Variants in LPP observed in about 807,000 individuals in gnomAD.
The protein encoded by LPP is LIM domain containing preferred translocation partner in lipoma, also known as lipoma-preferred partner.
A neutral mutation model predicts 60.4 loss-of-function variants in LPP; 38 were observed. The observed-to-expected ratio is 0.63, with a 90% confidence interval of 0.49 to 0.83. The LOEUF (loss-of-function observed/expected upper bound fraction) is 0.83, where lower values mean the gene tolerates loss of function less well. Among genes scored for constraint, LPP ranks in the 40% least tolerant of loss-of-function variants. The pLI is 0.00. For synonymous variants in LPP, 328 were observed against 290.8 expected, an observed-to-expected ratio of 1.13 and a Z score of -1.30; for missense variants, 902 against 783.6, an observed-to-expected ratio of 1.15 and a Z score of -1.80.
At chr3:188,163,283 A>G (rs978258364) in intron 1 of LPP, among the ~76,000 whole-genome samples, 1 of 152,142 alleles carries the variant, frequency 6.6e-6, no homozygotes, top group Non-Finnish European at 1.5e-5. Context: ...TTGTGTGGGA[A>G]CCTTTCATGG....
chr3:188,299,383 G>A (rs1748983285), intron 2 of LPP, among the ~76,000 whole-genome samples: 1 of 152,198 alleles, frequency 6.6e-6, no homozygotes, highest in South Asian at 2.1e-4. Context: ...AGGCACATTT[G>A]AGCTGTGTTG....
chr3:188,796,546 T>C (rs937537972), intron 9 of LPP, among the ~76,000 whole-genome samples: 2 of 152,196 alleles, frequency 1.3e-5, no homozygotes, highest in African/African-American at 4.8e-5. Context: ...TTGTGGTTGC[T>C]AGCCACACAC....
chr3:188,489,211 G>C (rs1807572092), intron 5 of LPP, among the ~76,000 whole-genome samples: 1 of 152,176 alleles, frequency 6.6e-6, no homozygotes, highest in African/African-American at 2.4e-5. Flanking sequence ...GATCAGTACA[G>C]TACTCAGAAT....
At chr3:188,551,836 A>G (rs1184557618) in intron 6 of LPP, among the ~76,000 whole-genome samples, 1 of 152,188 alleles carries the variant, frequency 6.6e-6, no homozygotes, top group Non-Finnish European at 1.5e-5. Context: ...GACATGGCAT[A>G]AACTATTTCA....
chr3:188,830,651 G>C (rs752416295), intron 9 of LPP, among the ~76,000 whole-genome samples: 1 of 151,680 alleles, frequency 6.6e-6, no homozygotes, highest in Non-Finnish European at 1.5e-5. Flanking sequence ...CCCAACGAAC[G>C]AACAAACACA....
At chr3:188,471,550 A>G (rs1207952326) in intron 4 of LPP, among the ~76,000 whole-genome samples, 1 of 152,144 alleles carries the variant, frequency 6.6e-6, no homozygotes, top group Admixed American at 6.5e-5. Flanking sequence ...CACCTTTGTG[A>G]TAGGGAGAAT....
intron 6 of LPP, among the ~76,000 whole-genome samples, chr3:188,548,647 G>A (rs917871117): frequency 6.6e-6 from 1 of 152,156 alleles, no homozygotes; most frequent in South Asian, 2.1e-4. Flanking sequence ...TCTTTGGGAT[G>A]AAGAAGAGGA....
chr3:188,660,217 A>C (rs1247346565), intron 7 of LPP, among the ~76,000 whole-genome samples: 1 of 152,168 alleles, frequency 6.6e-6, no homozygotes, highest in Admixed American at 6.5e-5. Context: ...CACCAATCAC[A>C]GGATTGTGAC....
intron 8 of LPP, among the ~76,000 whole-genome samples, chr3:188,737,079 T>C (rs963093195): frequency 2.0e-5 from 3 of 151,912 alleles, no homozygotes; most frequent in African/African-American, 7.2e-5. Flanking sequence ...TACTTCCCAA[T>C]AATCAGATTA....
At chr3:188,542,725 T>C (rs900169929) in intron 6 of LPP, among the ~76,000 whole-genome samples, 13 of 152,070 alleles carry the variant, frequency 8.5e-5, no homozygotes, top group Non-Finnish European at 1.8e-4. Flanking sequence ...TTTTTTGTTT[T>C]TGTTTTTGAC....
Position 188,225,438 on chromosome 3 carries a change from G to C in LPP, c.-156G>C, listed in dbSNP as rs369249997. The C allele has an allele frequency of 6.6e-5, 10 of 152,188 alleles. No homozygotes were observed. The highest frequency in any genetic ancestry group is 2.4e-4 in the African/African-American group (10 of 41,456). The allele number at this position is 152,188 out of a possible 1,614,324, so 9.4% of individuals were successfully genotyped here. A position where few individuals can be genotyped will look rare whatever the true frequency, so the allele number is the denominator to read the frequency against. On this transcript the variant is annotated 5_prime_UTR_variant, in exon 2 of 12. Coordinates refer to ENST00000617246, the MANE Select transcript of LPP (RefSeq NM_001375462.1). ...TTTGAGGCTCAGAGACAGAGCAGAA[G>C]ACAGAACCTGGTCTTCTGATTCCCT...
chr3:188,509,322 G>A (rs991565281), intron 5 of LPP, among the ~76,000 whole-genome samples: 5 of 152,124 alleles, frequency 3.3e-5, no homozygotes, highest in Non-Finnish European at 7.3e-5. Flanking sequence ...ATCCCTGTGG[G>A]GTTGGTATTA....
In LPP at chr3:188,610,977, T is replaced by G. The variant is rs576990558; in HGVS notation, c.1113+1133T>G. 6.6e-6 allele frequency among the ~76,000 whole-genome samples: 1 copy of G among 152,368 alleles called. No homozygotes were observed. Among genetic ancestry groups the G allele is most frequent in the East Asian group, 1.9e-4 (1 of 5,190 alleles). On this transcript the variant is annotated intron_variant, in intron 7 of 11. Transcript: ENST00000617246. This position sits in a 1 kb window ranked among gnomAD's most constrained non-coding sequence, Gnocchi z 4.4. ...TTTGGACTGTATTTTTAAAAATTCT[T>G]TCCACATTTTTACAAGATTGTCCAT...
intron 6 of LPP, among the ~76,000 whole-genome samples, chr3:188,603,549 C>T (rs1041627082): frequency 1.3e-5 from 2 of 152,014 alleles, no homozygotes; most frequent in Admixed American, 6.6e-5. Context: ...GGATTGGTTT[C>T]CGTCTCAGGA....
intron 4 of LPP, among the ~76,000 whole-genome samples, chr3:188,462,544 TTATATATATATA>T (rs71167102): frequency 0.026 from 904 of 34,194 alleles, 23 homozygotes; most frequent in African/African-American, 0.032. Flanking sequence ...TATATGAGCT[TTATATATATATA>T]TATATATATA....
intron 9 of LPP, among the ~76,000 whole-genome samples, chr3:188,832,659 A>C (rs1312828179): frequency 6.6e-6 from 1 of 152,188 alleles, no homozygotes; most frequent in African/African-American, 2.4e-5. Flanking sequence ...CCAATAAAAG[A>C]GTCCCCTTTA....
chr3:188,216,746 C>G (rs1391443418), intron 1 of LPP, among the ~76,000 whole-genome samples: 4 of 152,198 alleles, frequency 2.6e-5, no homozygotes, highest in African/African-American at 9.6e-5. Flanking sequence ...AAGGCAGGTG[C>G]TATTATCCCC....
At chr3:188,808,252 G>C (rs907904162) in intron 9 of LPP, among the ~76,000 whole-genome samples, 1 of 151,820 alleles carries the variant, frequency 6.6e-6, no homozygotes, top group African/African-American at 2.4e-5. Context: ...TTTTTTGTCT[G>C]TCTCCCAAAT....
At chr3:188,342,198 A>G (rs1022773485) in intron 3 of LPP, among the ~76,000 whole-genome samples, 1 of 152,190 alleles carries the variant, frequency 6.6e-6, no homozygotes, top group Non-Finnish European at 1.5e-5. Context: ...TTAGCTGCCA[A>G]ACAAAATCAT....
Sources: allele counts gnomAD v4.1 joint callset (sites outside exome capture counted in the v4.1 genomes callset), GRCh38; gene constraint gnomAD v4.1.1; non-coding constraint Gnocchi (gnomAD v3.1); transcripts MANE v1.5; gene names NCBI Gene and HGNC (gene_info 2026-07-23, HGNC 2026-07-21).